Variants in CCDC7 observed in about 807,000 individuals in gnomAD.
CCDC7 encodes the protein coiled-coil domain-containing protein 7.
A neutral mutation model predicts 196.9 loss-of-function variants in CCDC7; 183 were observed. That is an observed-to-expected ratio of 0.93 (90% CI 0.82 to 1.05). The LOEUF (loss-of-function observed/expected upper bound fraction) is 1.05, where lower values mean the gene tolerates loss of function less well. Among genes scored for constraint, CCDC7 ranks in the 50% least tolerant of loss-of-function variants. CCDC7 has a pLI of 0.00. For missense variants in CCDC7, 1,540 were observed against 1,482.2 expected (o/e 1.04, Z -0.64); for synonymous variants, 525 against 484.6 (o/e 1.08, Z -1.10).
intron 16 of CCDC7, among the ~76,000 whole-genome samples, chr10:32,576,547 C>CTTT (rs1292038601): frequency 4.3e-5 from 5 of 116,870 alleles, no homozygotes; most frequent in South Asian, 2.8e-4. Context: ...GCCTGTGTGT[C>CTTT]TTTTTTTTTT....
At chr10:32,778,496 G>C (rs772966803) in intron 28 of CCDC7, among the ~76,000 whole-genome samples, 4 of 152,122 alleles carry the variant, frequency 2.6e-5, no homozygotes, top group Admixed American at 2.6e-4. Context: ...TTGTAGGTAT[G>C]TGGCTTTATT....
chr10:32,590,134 C>T (rs148080893), intron 18 of CCDC7, among the ~76,000 whole-genome samples: 19 of 151,906 alleles, frequency 1.3e-4, no homozygotes, highest in African/African-American at 4.6e-4. Flanking sequence ...GTCTTCTCTT[C>T]CTTCTTTCTT....
intron 20 of CCDC7, among the ~76,000 whole-genome samples, chr10:32,636,678 G>A (rs530930570): frequency 9.9e-5 from 15 of 152,152 alleles, no homozygotes; most frequent in South Asian, 8.3e-4. Context: ...GAATAGTGCC[G>A]CAATAAACAT....
chr10:32,797,945 G>A (rs2083955341), intron 29 of CCDC7, among the ~76,000 whole-genome samples: 1 of 152,162 alleles, frequency 6.6e-6, no homozygotes, highest in Admixed American at 6.5e-5. Flanking sequence ...GCTGCTTCAG[G>A]ATGATAGGGA....
chr10:32,621,159 T>C (rs1280493571), intron 18 of CCDC7, among the ~76,000 whole-genome samples: 1 of 152,236 alleles, frequency 6.6e-6, no homozygotes, highest in Admixed American at 6.5e-5. Context: ...ATGGTCACTT[T>C]ACTTTGAAGG....
At chr10:32,513,456 AAAATT>A (rs2046535553) in intron 9 of CCDC7, 1 of 152,134 alleles carries the variant, frequency 6.6e-6, no homozygotes, top group Admixed American at 6.5e-5. Flanking sequence ...ACTCTTCTAA[AAAATT>A]AAAGAGTTCA....
intron 25 of CCDC7, among the ~76,000 whole-genome samples, chr10:32,721,040 C>T (rs878888831): frequency 6.6e-6 from 1 of 151,960 alleles, no homozygotes; most frequent in Non-Finnish European, 1.5e-5. Context: ...CTATAGTGAG[C>T]TGTGTTCACA....
At chr10:32,668,036 T>G (rs2073198947) in intron 21 of CCDC7, among the ~76,000 whole-genome samples, 1 of 152,082 alleles carries the variant, frequency 6.6e-6, no homozygotes, top group South Asian at 2.1e-4. Context: ...GTATCCTCTT[T>G]TATTTCATTG....
intron 41 of CCDC7, among the ~76,000 whole-genome samples, chr10:32,872,936 G>T (rs2094480913): frequency 6.6e-6 from 1 of 152,078 alleles, no homozygotes; most frequent in Non-Finnish European, 1.5e-5. Context: ...TTCCCTTTGT[G>T]GGTAACCGGT....
chr10:32,592,500 T>A (rs553262506), intron 18 of CCDC7, among the ~76,000 whole-genome samples: 1 of 152,254 alleles, frequency 6.6e-6, no homozygotes, highest in South Asian at 2.1e-4. Context: ...TTTCGCTGCA[T>A]CTTATAAGTT....
chr10:32,748,381 C>T (rs1208281976), intron 28 of CCDC7, among the ~76,000 whole-genome samples: 2 of 152,086 alleles, frequency 1.3e-5, no homozygotes, highest in African/African-American at 2.4e-5. Flanking sequence ...AAACATGTAA[C>T]TTTTGTACAT....
intron 9 of CCDC7, 84 bp from the exon 11 acceptor site, chr10:32,517,861 G>GAAA: frequency 6.9e-7 from 1 of 1,453,334 alleles, no homozygotes; most frequent in Non-Finnish European, 9.3e-7. Context: ...AATACCAAAA[G>GAAA]AAAAAAAAAG....
chr10:32,878,997 G>C (rs1258574496), downstream of CCDC7, among the ~76,000 whole-genome samples: 2 of 152,032 alleles, frequency 1.3e-5, no homozygotes. Context: ...TGCTGTTCAG[G>C]CCATTCAAAT....
intron 18 of CCDC7, among the ~76,000 whole-genome samples, chr10:32,595,674 G>T (rs542810285): frequency 2.0e-5 from 3 of 152,176 alleles, no homozygotes; most frequent in African/African-American, 4.8e-5. Flanking sequence ...TCTCTTGTCG[G>T]CATTTAGTGC....
intron 9 of CCDC7, among the ~76,000 whole-genome samples, chr10:32,501,674 A>G (rs994419155): frequency 6.6e-6 from 1 of 152,204 alleles, no homozygotes; most frequent in African/African-American, 2.4e-5. Flanking sequence ...CAGAGGCTGT[A>G]GAACAACAAA....
chr10:32,680,587 C>A (rs2075720409), intron 21 of CCDC7, among the ~76,000 whole-genome samples: 2 of 151,800 alleles, frequency 1.3e-5, no homozygotes, highest in African/African-American at 4.9e-5. Context: ...CCCGACAGGC[C>A]CCACTATATG....
intron 22 of CCDC7, among the ~76,000 whole-genome samples, chr10:32,686,501 A>G (rs1329760778): frequency 6.6e-6 from 1 of 152,224 alleles, no homozygotes; most frequent in Non-Finnish European, 1.5e-5. Context: ...GCTAAGGGGA[A>G]CAATAGCATA....
chr10:32,856,644 A>G (rs1379575148), intron 41 of CCDC7, among the ~76,000 whole-genome samples: 1 of 152,002 alleles, frequency 6.6e-6, no homozygotes, highest in East Asian at 1.9e-4. Flanking sequence ...AGCCTGCGCC[A>G]CTGCTGTGTC....
intron 30 of CCDC7, among the ~76,000 whole-genome samples, chr10:32,809,089 G>T (rs1451409124): frequency 6.6e-6 from 1 of 152,114 alleles, no homozygotes; most frequent in Non-Finnish European, 1.5e-5. Flanking sequence ...AAAAAGTTTT[G>T]CTCTGTGAAA....
Sources: gnomAD v4.1 joint callset for allele counts (sites outside exome capture counted in the v4.1 genomes callset) on GRCh38, gnomAD v4.1.1 for gene constraint, MANE v1.5 for transcripts, NCBI Gene and HGNC (gene_info 2026-07-23, HGNC 2026-07-21) for gene names.